Variants in FOXP2 observed in about 807,000 individuals in gnomAD.
FOXP2 encodes forkhead box P2, also known as forkhead box protein P2.
A neutral mutation model predicts 115.8 loss-of-function variants in FOXP2; 12 were observed. The ratio of observed to expected loss-of-function variants is 0.10; its 90% CI spans 0.07 to 0.17. FOXP2 has a LOEUF of 0.17. Ranked by LOEUF, FOXP2 falls within the 10% of genes least tolerant of loss-of-function variation. The probability of loss-of-function intolerance (pLI) is 1.00; values close to 1 mark genes in which losing one functional copy is unlikely to be tolerated. For missense variants in FOXP2, 629 were observed against 843.5 expected (o/e 0.75, Z 3.15); for synonymous variants, 328 against 297.7 (o/e 1.10, Z -1.05).
intron 1 of FOXP2, among the ~76,000 whole-genome samples, chr7:114,094,693 G>C (rs913711900): frequency 6.6e-6 from 1 of 151,772 alleles, no homozygotes; most frequent in Non-Finnish European, 1.5e-5. Context: ...ACAGAGTCTC[G>C]CTCTATTGAC....
At chr7:114,119,540 A>C (rs772676785) in intron 1 of FOXP2, among the ~76,000 whole-genome samples, 1 of 151,912 alleles carries the variant, frequency 6.6e-6, no homozygotes, top group African/African-American at 2.4e-5. Context: ...CAGGAGTTTG[A>C]GACCAGCCTA....
At chr7:114,440,622 T>TA (rs1794557379) in intron 2 of FOXP2, among the ~76,000 whole-genome samples, 1 of 152,222 alleles carries the variant, frequency 6.6e-6, no homozygotes, top group Admixed American at 6.6e-5. Context: ...TAGAACAATC[T>TA]AAATTGTTAT....
intron 3 of FOXP2, among the ~76,000 whole-genome samples, chr7:114,612,681 A>G (rs909656761): frequency 1.3e-5 from 2 of 152,260 alleles, no homozygotes; most frequent in South Asian, 2.1e-4. Flanking sequence ...ATGTTCCTAT[A>G]ACCAAAGGAT....
chr7:114,195,772 A>G (rs1478442540), intron 1 of FOXP2, among the ~76,000 whole-genome samples: 1 of 152,164 alleles, frequency 6.6e-6, no homozygotes, highest in Non-Finnish European at 1.5e-5. Context: ...TTGATTGGTA[A>G]TGTTGACTGG....
At chr7:114,580,509 C>A (rs918039878) in intron 3 of FOXP2, among the ~76,000 whole-genome samples, 2 of 152,080 alleles carry the variant, frequency 1.3e-5, no homozygotes, top group African/African-American at 4.8e-5. Flanking sequence ...ACCCGGGAGG[C>A]AGAGGTTGCA....
chr7:114,119,965 C>G (rs988020950), intron 1 of FOXP2, among the ~76,000 whole-genome samples: 2 of 152,134 alleles, frequency 1.3e-5, no homozygotes, highest in African/African-American at 4.8e-5. Flanking sequence ...GCTGATCTTC[C>G]AATCCTACTT....
Position 114,096,576 on chromosome 7 carries a change from G to A in FOXP2, c.-247+8738G>A, listed in dbSNP as rs77124251. Reference sequence around the variant, plus strand: ...TTAGATTTTTACATCTTTTCTCTTTGATATCTTCCTAATTGTGTCCTGAAA... The same window carrying A: ...TTAGATTTTTACATCTTTTCTCTTTAATATCTTCCTAATTGTGTCCTGAAA... On this transcript the variant is annotated intron_variant, in intron 1 of 19. Coordinates refer to the FOXP2 transcript ENST00000635638. Among the ~76,000 whole-genome samples, 404 of 152,124 alleles carry A rather than the reference G, an allele frequency of 2.7e-3. 2 individuals carry two copies. The highest frequency in any genetic ancestry group is 8.0e-3 in the African/African-American group (332 of 41,516).
rs1797450600 is a variant in FOXP2 at position 114,499,090 on chromosome 7, G to A, written c.169-35527G>A. The stretch of plus-strand genomic sequence containing the variant: ...GGGGTTGGAGCTCAGCAATTACCCT[G>A]CAGGTAATTCTGATGCATGCTCAAG... On this transcript the variant is annotated intron_variant, in intron 2 of 16. Transcript: ENST00000350908. The A allele has an allele frequency of 4.2e-5, 23 of 550,902 alleles. No individual in the cohort carries two copies. In the South Asian group the frequency reaches 5.0e-4, roughly 12 times the overall value. 34.1% of individuals were successfully genotyped at this position (550,902 alleles called of 1,614,324 possible).
chr7:114,580,141 A>G (rs1801773578), intron 3 of FOXP2, among the ~76,000 whole-genome samples: 1 of 152,244 alleles, frequency 6.6e-6, no homozygotes, highest in South Asian at 2.1e-4. Flanking sequence ...CATCCTACTT[A>G]AGATATCCTT....
At chr7:114,555,626 G>A (rs1008760387) in intron 3 of FOXP2, among the ~76,000 whole-genome samples, 33 of 151,852 alleles carry the variant, frequency 2.2e-4, no homozygotes, top group African/African-American at 7.3e-4. Flanking sequence ...GTGAAACCCC[G>A]TCTCTACTAA....
intron 2 of FOXP2, among the ~76,000 whole-genome samples, chr7:114,347,648 G>A (rs1791379627): frequency 6.6e-6 from 1 of 152,006 alleles, no homozygotes; most frequent in Admixed American, 6.6e-5. Flanking sequence ...TATACCTCAA[G>A]CAAGGTAGTT....
intron 1 of FOXP2, among the ~76,000 whole-genome samples, chr7:114,143,330 G>T (rs1340042081): frequency 6.6e-6 from 1 of 151,906 alleles, no homozygotes; most frequent in Non-Finnish European, 1.5e-5. Flanking sequence ...ATGTTATAAA[G>T]CCTATGATTA....
At chr7:114,623,057 G>A (rs1249759773) in intron 3 of FOXP2, among the ~76,000 whole-genome samples, 1 of 151,866 alleles carries the variant, frequency 6.6e-6, no homozygotes, top group Non-Finnish European at 1.5e-5. Context: ...TGTAATTATT[G>A]ATTATATTCT....
At chr7:114,441,355 A>C (rs1286940247) in intron 2 of FOXP2, among the ~76,000 whole-genome samples, 5 of 152,102 alleles carry the variant, frequency 3.3e-5, no homozygotes, top group African/African-American at 1.2e-4. Context: ...GGGGAGGCTG[A>C]GGCAGCAGAA....
intron 2 of FOXP2, among the ~76,000 whole-genome samples, chr7:114,431,210 T>C (rs1291285583): frequency 6.6e-6 from 1 of 151,910 alleles, no homozygotes; most frequent in Non-Finnish European, 1.5e-5. Context: ...CGGTGTTTTC[T>C]ATTAGGTTTT....
At chr7:114,684,171 T>A (rs1808238212) in intron 16 of FOXP2, among the ~76,000 whole-genome samples, 1 of 152,166 alleles carries the variant, frequency 6.6e-6, no homozygotes, top group African/African-American at 2.4e-5. Context: ...AAATAATACA[T>A]CCTATTTGTT....
At chr7:114,545,952 A>G (rs1293995879) in intron 3 of FOXP2, among the ~76,000 whole-genome samples, 1 of 152,092 alleles carries the variant, frequency 6.6e-6, no homozygotes, top group African/African-American at 2.4e-5. Flanking sequence ...TAATGCATCT[A>G]TTCTTATATG....
chr7:114,196,609 T>C (rs1793915582), intron 1 of FOXP2, among the ~76,000 whole-genome samples: 1 of 152,188 alleles, frequency 6.6e-6, no homozygotes, highest in Admixed American at 6.5e-5. Context: ...TTTTATCAAG[T>C]TGTGTCAGTC....
At chr7:114,565,926 A>G (rs1800998597) in intron 3 of FOXP2, among the ~76,000 whole-genome samples, 1 of 152,170 alleles carries the variant, frequency 6.6e-6, no homozygotes, top group East Asian at 1.9e-4. Context: ...ACAGTTTTCA[A>G]GTATGATTTC....
Sources: allele counts gnomAD v4.1 joint callset (sites outside exome capture counted in the v4.1 genomes callset), GRCh38; gene constraint gnomAD v4.1.1; transcripts MANE v1.5; gene names NCBI Gene and HGNC (gene_info 2026-07-23, HGNC 2026-07-21).